ENOX1: variants seen among roughly 807,000 people sequenced by gnomAD.
ENOX1 encodes candidate growth-related and time keeping constitutive hydroquinone (NADH) oxidase.
A neutral mutation model predicts 82.5 loss-of-function variants in ENOX1; 42 were observed. The observed-to-expected ratio is 0.51, with a 90% confidence interval of 0.40 to 0.66. ENOX1 has a LOEUF of 0.66. Ranked by LOEUF, ENOX1 falls within the 30% of genes least tolerant of loss-of-function variation. The pLI is 0.00. For synonymous variants in ENOX1, 271 were observed against 282.2 expected, an observed-to-expected ratio of 0.96 and a Z score of 0.40; for missense variants, 608 against 811.6, an observed-to-expected ratio of 0.75 and a Z score of 3.05.
intron 1 of ENOX1, among the ~76,000 whole-genome samples, chr13:43,669,441 T>A (rs547107996): frequency 1.3e-5 from 2 of 152,150 alleles, no homozygotes; most frequent in Non-Finnish European, 2.9e-5. Context: ...CTCCTATCTC[T>A]AATTCAACTC....
intron 2 of ENOX1, among the ~76,000 whole-genome samples, chr13:43,486,967 G>T (rs1438540594): frequency 6.6e-6 from 1 of 152,236 alleles, no homozygotes; most frequent in Non-Finnish European, 1.5e-5. Flanking sequence ...GAGGTCAGGA[G>T]TTCGAGACCA....
intron 1 of ENOX1, among the ~76,000 whole-genome samples, chr13:43,699,798 T>C (rs1479242250): frequency 6.6e-6 from 1 of 152,204 alleles, no homozygotes; most frequent in Non-Finnish European, 1.5e-5. Flanking sequence ...TTATTTGGCT[T>C]ATTTTCTCTC....
intron 3 of ENOX1, among the ~76,000 whole-genome samples, chr13:43,480,172 C>T (rs1422464353): frequency 1.3e-5 from 2 of 152,072 alleles, no homozygotes; most frequent in African/African-American, 4.8e-5. Flanking sequence ...CTCCTGACCT[C>T]AGGTGATCCA....
At chr13:43,639,218 C>G (rs957278992) in intron 2 of ENOX1, among the ~76,000 whole-genome samples, 1 of 152,184 alleles carries the variant, frequency 6.6e-6, no homozygotes, top group Non-Finnish European at 1.5e-5. Flanking sequence ...AGGAGAATTG[C>G]TTGAACCCGG....
At chr13:43,760,676 A>C (rs1363500237) in intron 1 of ENOX1, among the ~76,000 whole-genome samples, 1 of 152,136 alleles carries the variant, frequency 6.6e-6, no homozygotes, top group Non-Finnish European at 1.5e-5. Context: ...TATAAGCTGG[A>C]ACATAAATAA....
chr13:43,232,222 C>A (rs34931453), intron 15 of ENOX1, among the ~76,000 whole-genome samples: 16,772 of 151,852 alleles, frequency 0.11, 1,004 homozygotes, highest in Non-Finnish European at 0.14. Flanking sequence ...GCGTGAGCCA[C>A]CACACCTGTG....
intron 1 of ENOX1, among the ~76,000 whole-genome samples, chr13:43,779,182 T>G (rs1952096120): frequency 6.9e-6 from 1 of 145,756 alleles, no homozygotes; most frequent in Non-Finnish European, 1.5e-5. Flanking sequence ...GCCTCGTTAT[T>G]TAAAAAAAAA....
At chr13:43,525,331 A>C (rs1281637342) in intron 2 of ENOX1, among the ~76,000 whole-genome samples, 1 of 152,122 alleles carries the variant, frequency 6.6e-6, no homozygotes, top group African/African-American at 2.4e-5. Context: ...TGACTACTCT[A>C]GGTACTTCAT....
intron 1 of ENOX1, among the ~76,000 whole-genome samples, chr13:43,679,273 C>T (rs2085666421): frequency 6.6e-6 from 1 of 152,152 alleles, no homozygotes; most frequent in African/African-American, 2.4e-5. Context: ...ATGATCATTT[C>T]TTCCATTTCT....
At chr13:43,393,781 G>C (rs2052953549) in intron 5 of ENOX1, among the ~76,000 whole-genome samples, 1 of 152,208 alleles carries the variant, frequency 6.6e-6, no homozygotes, top group African/African-American at 2.4e-5. Flanking sequence ...TTGCCTTACT[G>C]ATATGGTTTG....
intron 1 of ENOX1, among the ~76,000 whole-genome samples, chr13:43,756,986 A>AAG (rs1566886895): frequency 2.0e-5 from 3 of 150,684 alleles, no homozygotes; most frequent in Non-Finnish European, 4.4e-5. Flanking sequence ...AAAAAAAAAA[A>AAG]AAAAAAAAGC....
chr13:43,575,394 A>C (rs1401368245), intron 2 of ENOX1, among the ~76,000 whole-genome samples: 2 of 152,208 alleles, frequency 1.3e-5, no homozygotes, highest in Non-Finnish European at 2.9e-5. Context: ...GTTAAGTCTC[A>C]GGAAGCTACA....
intron 3 of ENOX1, among the ~76,000 whole-genome samples, chr13:43,437,709 G>A (rs1319396904): frequency 6.6e-6 from 1 of 152,144 alleles, no homozygotes; most frequent in Non-Finnish European, 1.5e-5. Context: ...CCGATTTCAG[G>A]GTCATCCATT....
chr13:43,289,529 T>C lies in ENOX1; in HGVS notation c.1446+8817A>G, dbSNP rs12868778. The stretch of plus-strand genomic sequence containing the variant: ...TAACTGACTAGCCTTAGACAGAAGA[T>C]TGAAGCTGGACTCCTAACCTTTCAC... On this transcript the variant is annotated intron_variant, in intron 12 of 16. Transcript: ENST00000690772. 2.6e-4 allele frequency among the ~76,000 whole-genome samples: 39 copies of C among 152,194 alleles called. 1 individual carries two copies. The highest frequency in any genetic ancestry group is 2.6e-3 in the Admixed American group (39 of 15,286).
chr13:43,664,878 CTTTCAT>C (rs1468688845), intron 2 of ENOX1, among the ~76,000 whole-genome samples: 3 of 152,160 alleles, frequency 2.0e-5, no homozygotes, highest in Non-Finnish European at 4.4e-5. Context: ...TGAATTTCTA[CTTTCAT>C]TTTCATTTTC....
At chr13:43,323,600 T>G (rs1300247880) in intron 10 of ENOX1, among the ~76,000 whole-genome samples, 2 of 152,248 alleles carry the variant, frequency 1.3e-5, no homozygotes, top group African/African-American at 2.4e-5. Flanking sequence ...TCCTTATTCA[T>G]TCTGTTCTCT....
At chr13:43,646,521 T>A (rs1421234219) in intron 2 of ENOX1, among the ~76,000 whole-genome samples, 2 of 152,294 alleles carry the variant, frequency 1.3e-5, no homozygotes, top group East Asian at 3.9e-4. Context: ...ATGAAGGAAG[T>A]GAAGACAAGC....
chr13:43,693,275 T>C (rs886280154), intron 1 of ENOX1, among the ~76,000 whole-genome samples: 5 of 152,084 alleles, frequency 3.3e-5, no homozygotes, highest in Non-Finnish European at 5.9e-5. Flanking sequence ...ATGAACAATA[T>C]AATTATTTCT....
intron 16 of ENOX1, among the ~76,000 whole-genome samples, chr13:43,223,681 A>G (rs1360366098): frequency 6.6e-6 from 1 of 152,216 alleles, no homozygotes; most frequent in Non-Finnish European, 1.5e-5. Context: ...TGTGAAGTCC[A>G]GAACATGGAA....
Sources: gnomAD v4.1 joint callset for allele counts (sites outside exome capture counted in the v4.1 genomes callset) on GRCh38, gnomAD v4.1.1 for gene constraint, MANE v1.5 for transcripts, NCBI Gene and HGNC (gene_info 2026-07-23, HGNC 2026-07-21) for gene names.